POLR3B: variants seen among roughly 807,000 people sequenced by gnomAD.
POLR3B encodes DNA-directed RNA polymerase III subunit RPC2.
POLR3B carries 96 observed loss-of-function variants against 147.4 expected under a neutral mutation model. The ratio of observed to expected loss-of-function variants is 0.65; its 90% confidence interval spans 0.55 to 0.77. POLR3B has a LOEUF of 0.77. POLR3B is among the 30% of genes least tolerant of loss of function. The pLI is 0.00. For synonymous variants in POLR3B, 461 were observed against 485.9 expected, an observed-to-expected ratio of 0.95 and a Z score of 0.67; for missense variants, 1,036 against 1,413.5, an observed-to-expected ratio of 0.73 and a Z score of 4.28.
intron 27 of POLR3B, among the ~76,000 whole-genome samples, chr12:106,507,358 TAATAG>T (rs1375133414): frequency 2.0e-5 from 3 of 152,186 alleles, no homozygotes; most frequent in Non-Finnish European, 4.4e-5. Flanking sequence ...AAGTATTTAA[TAATAG>T]AGAAGATTAA....
At chr12:106,370,255 A>G (rs1284961683) in intron 6 of POLR3B, among the ~76,000 whole-genome samples, 1 of 152,224 alleles carries the variant, frequency 6.6e-6, no homozygotes, top group Non-Finnish European at 1.5e-5. Context: ...CCCCCTCTCA[A>G]AAGTGCTAAG....
chr12:106,437,377 C>T (rs2037591425), intron 17 of POLR3B, among the ~76,000 whole-genome samples: 1 of 152,130 alleles, frequency 6.6e-6, no homozygotes, highest in South Asian at 2.1e-4. Context: ...AAAGGACTTA[C>T]ATCATGTGTC....
At chr12:106,424,719 T>C (rs1032617032) in intron 12 of POLR3B, among the ~76,000 whole-genome samples, 12 of 152,134 alleles carry the variant, frequency 7.9e-5, no homozygotes, top group Non-Finnish European at 1.5e-4. Context: ...ATTATAAACT[T>C]AGGAATTTTA....
chr12:106,388,378 C>T (rs1424635472), intron 9 of POLR3B, among the ~76,000 whole-genome samples: 9 of 151,472 alleles, frequency 5.9e-5, no homozygotes, highest in African/African-American at 9.7e-5. Flanking sequence ...AGTGCAGTGG[C>T]GCGATCTCAG....
intron 23 of POLR3B, among the ~76,000 whole-genome samples, chr12:106,489,559 T>C (rs925193206): frequency 5.3e-5 from 8 of 152,180 alleles, no homozygotes; most frequent in African/African-American, 1.9e-4. Context: ...TTCCAACACA[T>C]TAAAGAATCT....
At chr12:106,500,417 C>T (rs996770666) in intron 25 of POLR3B, among the ~76,000 whole-genome samples, 1 of 152,066 alleles carries the variant, frequency 6.6e-6, no homozygotes, top group Non-Finnish European at 1.5e-5. Context: ...CTGGAGCCAC[C>T]GTGACAAAGG....
chr12:106,426,259 TG>T (rs2037433616), intron 12 of POLR3B, among the ~76,000 whole-genome samples: 4 of 151,072 alleles, frequency 2.6e-5, no homozygotes, highest in African/African-American at 9.8e-5. Context: ...TGTGTGTGTG[TG>T]TGTGTGTTTA....
intron 15 of POLR3B, among the ~76,000 whole-genome samples, chr12:106,433,038 A>G (rs1277385600): frequency 6.6e-6 from 1 of 152,058 alleles, no homozygotes; most frequent in East Asian, 1.9e-4. Context: ...TTCTCTCCCT[A>G]GTATGCTCCA....
At chr12:106,454,421 G>A (rs1376780380) in intron 19 of POLR3B, 81 bp from the exon 20 acceptor site, 2 of 750,410 alleles carry the variant, frequency 2.7e-6, no homozygotes, top group Non-Finnish European at 4.8e-6. Flanking sequence ...TGATGTTAAT[G>A]TATTTATCTC....
At position 106,509,755 on chromosome 12, in the gene POLR3B, A is replaced by T. The variant is rs2038746530; in HGVS notation, c.*206A>T. 6.0e-6 allele frequency: 3 copies of T among 497,638 alleles called. No individual in the cohort carries two copies. Among genetic ancestry groups the T allele is most frequent in the African/African-American group, 3.9e-5 (2 of 51,294 alleles). The allele number at this position is 497,638 out of a possible 1,614,324, so 30.8% of individuals were successfully genotyped here. A position where few individuals can be genotyped will look rare whatever the true frequency, so the allele number is the denominator to read the frequency against. ...CATTGAGCCTCGAGCCATGGGAGAG[A>T]TGCTGACCATGTGGACTGCAAGGCT... On this transcript the variant is annotated 3_prime_UTR_variant, in exon 28 of 28. Transcript: ENST00000228347.
chr12:106,430,419 C>A lies in POLR3B; in HGVS notation c.1410C>A (p.Ser470=), dbSNP rs1451276937. The A allele has an allele frequency of 6.2e-7, 1 of 1,613,652 alleles. No homozygotes were observed. Among genetic ancestry groups the A allele is most frequent in the Non-Finnish European group, 8.5e-7 (1 of 1,179,880 alleles). The change falls in exon 14 of 28, where the codon TCC becomes TCA. Residue 470 remains serine, a synonymous_variant. Coordinates refer to ENST00000228347, the MANE Select transcript of POLR3B (RefSeq NM_018082.6). ...CGAGAAAAGTGAGTGGTCCTCGCTC[C>A]CTCCAGCCATCTCAGTGGGGAATGC... The part of the protein sequence containing the change: ...EKTRKVSGPR[S]LQPSQWGMLC...
chr12:106,495,442 G>A (rs566586076), intron 23 of POLR3B, among the ~76,000 whole-genome samples: 1 of 152,200 alleles, frequency 6.6e-6, no homozygotes, highest in African/African-American at 2.4e-5. Flanking sequence ...TAAGCTATAG[G>A]AATTAAAATT....
At chr12:106,498,575 G>A (rs967333013) in intron 25 of POLR3B, among the ~76,000 whole-genome samples, 1 of 150,018 alleles carries the variant, frequency 6.7e-6, no homozygotes, top group African/African-American at 2.5e-5. Flanking sequence ...TTTGTTTTTT[G>A]GGGTTTGTTT....
intron 12 of POLR3B, among the ~76,000 whole-genome samples, chr12:106,422,594 G>A (rs895147962): frequency 3.9e-5 from 6 of 152,154 alleles, no homozygotes; most frequent in Non-Finnish European, 8.8e-5. Flanking sequence ...TTTCTAAATG[G>A]ATAACTGGTT....
At chr12:106,397,236 G>A (rs2036991040) in intron 10 of POLR3B, among the ~76,000 whole-genome samples, 1 of 152,148 alleles carries the variant, frequency 6.6e-6, no homozygotes, top group Middle Eastern at 3.4e-3. Flanking sequence ...ACAGAGAATA[G>A]TGTTATAAAT....
At chr12:106,370,945 G>A (rs2036598271) in intron 6 of POLR3B, among the ~76,000 whole-genome samples, 1 of 152,050 alleles carries the variant, frequency 6.6e-6, no homozygotes, top group African/African-American at 2.4e-5. Flanking sequence ...CAGTGTTAAG[G>A]TGAGAACTTC....
At chr12:106,465,745 GAA>G (rs2137039107) in intron 23 of POLR3B, among the ~76,000 whole-genome samples, 2 of 152,278 alleles carry the variant, frequency 1.3e-5, no homozygotes, top group East Asian at 3.9e-4. Flanking sequence ...AGTTTGCTGA[GAA>G]TGATGGTTTC....
intron 12 of POLR3B, among the ~76,000 whole-genome samples, chr12:106,426,564 C>T (rs1300442479): frequency 6.6e-6 from 1 of 151,952 alleles, no homozygotes; most frequent in Non-Finnish European, 1.5e-5. Context: ...ATCAACCCAC[C>T]TTGGCCTCCC....
At chr12:106,445,138 C>T (rs1234621015) in intron 19 of POLR3B, among the ~76,000 whole-genome samples, 4 of 152,144 alleles carry the variant, frequency 2.6e-5, no homozygotes, top group Non-Finnish European at 5.9e-5. Flanking sequence ...TCTTCTCTTT[C>T]ATCTATTAAT....
Sources: gnomAD v4.1 joint callset for allele counts (sites outside exome capture counted in the v4.1 genomes callset) on GRCh38, gnomAD v4.1.1 for gene constraint, MANE v1.5 for transcripts, NCBI Gene and HGNC (gene_info 2026-07-23, HGNC 2026-07-21) for gene names.